AXL: variants seen among roughly 807,000 people sequenced by gnomAD.
The protein encoded by AXL is tyrosine-protein kinase receptor UFO.
Under a neutral mutation model 104.5 loss-of-function variants are expected in AXL, and 52 were observed. That is an observed-to-expected ratio of 0.50 (90% CI 0.40 to 0.63). The LOEUF is 0.63. AXL is among the 20% of genes least tolerant of loss of function. AXL has a pLI of 0.00. For synonymous variants in AXL, 455 were observed against 473.7 expected (o/e 0.96, Z 0.51); for missense variants, 1,024 against 1,188.5 (o/e 0.86, Z 2.04).
chr19:41,250,343 T>C (rs146712606), intron 14 of AXL, among the ~76,000 whole-genome samples: 13 of 152,346 alleles, frequency 8.5e-5, no homozygotes, highest in African/African-American at 3.1e-4. Context: ...TGATCCTTTC[T>C]GAATTACAGG....
chr19:41,225,099 G>A (rs1044778098), intron 4 of AXL, among the ~76,000 whole-genome samples: 1 of 152,196 alleles, frequency 6.6e-6, no homozygotes, highest in African/African-American at 2.4e-5. Flanking sequence ...CGCCTCCGGG[G>A]TTCAAGGGAT....
intron 6 of AXL, among the ~76,000 whole-genome samples, chr19:41,233,790 G>C (rs923247549): frequency 6.6e-6 from 1 of 151,290 alleles, no homozygotes; most frequent in African/African-American, 2.4e-5. Flanking sequence ...CCAGAGGCCA[G>C]CTGGATTTGG....
chr19:41,230,036 T>C (rs909480724), intron 4 of AXL, among the ~76,000 whole-genome samples: 3 of 152,092 alleles, frequency 2.0e-5, no homozygotes, highest in African/African-American at 7.2e-5. Flanking sequence ...TCTATGTCCA[T>C]ATATATGAGC....
intron 10 of AXL, 64 bp from the exon 11 acceptor site, chr19:41,242,818 CT>C: frequency 1.9e-6 from 3 of 1,601,156 alleles, no homozygotes; most frequent in Non-Finnish European, 2.6e-6. Context: ...CACATCACCC[CT>C]TTGGGTCCCA....
intron 6 of AXL, among the ~76,000 whole-genome samples, chr19:41,237,456 C>G (rs1357941615): frequency 6.6e-6 from 1 of 152,178 alleles, no homozygotes; most frequent in East Asian, 1.9e-4. Context: ...GTTGGCCAGG[C>G]TGGTCTTGAA....
At chr19:41,253,775 C>T in intron 17 of AXL, 67 bp downstream of exon 17, 2 of 1,293,940 alleles carry the variant, frequency 1.5e-6, no homozygotes, top group Non-Finnish European at 2.2e-6. Context: ...TTCCCTCCCT[C>T]CTTCTTAGGA....
rs1374885767 is a variant in AXL, at chr19:41,222,037, G to A, written c.567G>A (p.Gln189=). 1 of 1,583,702 alleles carries A rather than the reference G, an allele frequency of 6.3e-7. No individual in the cohort carries two copies. Among genetic ancestry groups the A allele is most frequent in the Non-Finnish European group, 8.6e-7 (1 of 1,167,406 alleles). ...CCACGGCTCCAGGTCACGGCCCCCA[G>A]CGCAGCCTGCATGTTCCAGGTGAGT... ...PLATAPGHGP[Q]RSLHVPGLNK... The change falls in exon 4 of 20, where the codon CAG becomes CAA. Residue 189 remains glutamine, a synonymous_variant. Transcript: ENST00000301178.
intron 6 of AXL, among the ~76,000 whole-genome samples, chr19:41,232,618 C>T (rs2034010405): frequency 1.3e-5 from 2 of 150,620 alleles, no homozygotes; most frequent in Admixed American, 6.6e-5. Context: ...AGCGAACTTC[C>T]GTCTCAAGAA....
chr19:41,247,173 G>C (rs898081079), intron 12 of AXL, among the ~76,000 whole-genome samples: 1 of 152,216 alleles, frequency 6.6e-6, no homozygotes, highest in Non-Finnish European at 1.5e-5. Context: ...GTCATGTTCT[G>C]TTCTTGGCCT....
chr19:41,238,564 C>G lies in AXL; in HGVS notation c.1089C>G (p.Thr363=). 6.2e-7 allele frequency: 1 copy of G among 1,613,680 alleles called. No individual in the cohort carries two copies. Among genetic ancestry groups the G allele is most frequent in the Non-Finnish European group, 8.5e-7 (1 of 1,179,766 alleles). Reference sequence around the variant, plus strand: ...AGCCCCGGGCGCCCCTGCAGGGTACCCTGTTAGGGTACCGGCTGGCGTATC... The same window carrying G: ...AGCCCCGGGCGCCCCTGCAGGGTACGCTGTTAGGGTACCGGCTGGCGTATC... ...WQEPRAPLQG[T]LLGYRLAYQG... is the part of the protein sequence containing the mutation. The change falls in exon 8 of 20, where the codon ACC becomes ACG. Residue 363 remains threonine (T), a synonymous_variant. Coordinates refer to ENST00000301178, the MANE Select transcript of AXL (RefSeq NM_021913.5).
rs578118921 is a variant in AXL at position 41,241,386 on chromosome 19, A to G, written c.1313-1497A>G. 5.3e-5 allele frequency among the ~76,000 whole-genome samples: 8 copies of G among 152,042 alleles called. No homozygotes were observed. The East Asian group carries it at 1.5e-3, about 29-fold the overall frequency. ...TGGCGAAAACCCATCTCTACTAAAA[A>G]TACAAAAATTAGCTGGGCCTGGTGG... On this transcript the variant is annotated intron_variant, in intron 10 of 19. Transcript: ENST00000301178.
In AXL at chr19:41,221,133, C is replaced by T. The variant is rs774770336; in HGVS notation, c.309-13C>T. On this transcript the variant is annotated splice_polypyrimidine_tract_variant and intron_variant, in intron 2 of 19. Transcript: ENST00000301178. ...GACCCTGAACCTCTCTGTCTCTCCT[C>T]TTGCCCTGTCAGAATCACCTCCCTG... 37 of 1,611,830 alleles carry T rather than the reference C, an allele frequency of 2.3e-5. No homozygotes were observed. In the South Asian group the frequency reaches 3.5e-4, roughly 15 times the overall value.
At chr19:41,220,450 G>T in intron 1 of AXL, 186 bp from the exon 2 acceptor site, 1 of 587,938 alleles carries the variant, frequency 1.7e-6, no homozygotes, top group Non-Finnish European at 3.0e-6. Context: ...CCAGTCCCTT[G>T]GGAGGGCTCC....
chr19:41,253,045 G>A (rs2034392347), intron 16 of AXL, 78 bp downstream of exon 16: 1 of 1,500,736 alleles, frequency 6.7e-7, no homozygotes, highest in African/African-American at 1.4e-5. Flanking sequence ...CAGACCCTGG[G>A]AAGACCACGG....
chr19:41,239,152 T>C lies in AXL; in HGVS notation c.1135-12T>C, dbSNP rs372116825. 2.5e-5 allele frequency: 41 copies of C among 1,612,784 alleles called. No homozygotes were observed. Among genetic ancestry groups the C allele is most frequent in the Non-Finnish European group, 3.3e-5 (39 of 1,179,288 alleles). On this transcript the variant is annotated splice_polypyrimidine_tract_variant and intron_variant, in intron 8 of 19. Transcript: ENST00000301178. ...TAAGGTTCTACCCTGATGCCACTTC[T>C]GGACCTCCTAGGTGCTAATGGACAT...
chr19:41,227,595 C>T (rs2033905728), intron 4 of AXL, among the ~76,000 whole-genome samples: 1 of 151,170 alleles, frequency 6.6e-6, no homozygotes, highest in African/African-American at 2.4e-5. Flanking sequence ...TAGCAGTTAT[C>T]GTGCCTCAGC....
intron 10 of AXL, among the ~76,000 whole-genome samples, chr19:41,240,228 G>A (rs1599734670): frequency 3.5e-5 from 5 of 141,978 alleles, no homozygotes; most frequent in South Asian, 2.4e-4. Flanking sequence ...GGATGGATGG[G>A]TGGGTGGATA....
At chr19:41,239,362 A>T (rs749138503) in intron 9 of AXL, 48 bp downstream of exon 9, 1 of 1,535,886 alleles carries the variant, frequency 6.5e-7, no homozygotes, top group South Asian at 1.3e-5. Flanking sequence ...TCTCTCCCTG[A>T]CAGCCCTGAC....
rs775837762 is a variant in AXL at position 41,221,916 on chromosome 19, C to G, written c.446C>G (p.Thr149Ser). Residue 149 changes from threonine (T) to serine (S), a missense_variant, in exon 4 of 20, where the codon ACT (threonine) becomes AGT (serine). Thr to Ser is a moderately conservative substitution (Grantham distance 58). Around this residue, in one of 5 missense-constraint regions of AXL, gnomAD observed 332 missense variants for 343.9 expected, o/e 0.97. Transcript: ENST00000301178. ...TTCCTGGAGGAGCCCGAAGACAGGA[C>G]TGTGGCCGCCAACACCCCCTTCAAC... is the stretch of plus-strand genomic sequence containing the variant. Reference protein sequence around the residue: ...PYFLEEPEDRTVAANTPFNLS... With the variant: ...PYFLEEPEDRSVAANTPFNLS... 6.2e-7 allele frequency: 1 copy of G among 1,613,782 alleles called. No homozygotes were observed. The highest frequency in any genetic ancestry group is 8.5e-7 in the Non-Finnish European group (1 of 1,179,922).
Sources: allele counts gnomAD v4.1 joint callset (sites outside exome capture counted in the v4.1 genomes callset), GRCh38; gene constraint gnomAD v4.1.1; regional missense constraint gnomAD v4.1.1; transcripts MANE v1.5; gene names NCBI Gene and HGNC (gene_info 2026-07-23, HGNC 2026-07-21).